Variants in TCFL5 observed in about 807,000 individuals in gnomAD.
TCFL5 encodes the protein transcription factor like 5, also known as transcription factor-like 5 protein.
TCFL5 carries 9 observed loss-of-function variants against 44.3 expected under a neutral mutation model. That is an observed-to-expected ratio of 0.20 (90% CI 0.12 to 0.35). TCFL5 has a LOEUF of 0.35. Ranked by LOEUF, TCFL5 falls within the 10% of genes least tolerant of loss-of-function variation. TCFL5 has a pLI of 1.00. For synonymous variants in TCFL5, 319 were observed against 271.6 expected (o/e 1.17, Z -1.72); for missense variants, 603 against 613.4 (o/e 0.98, Z 0.18).
rs565607958 is a variant in TCFL5, at chr20:62,845,622, C to T, written c.1381-3525G>A. 2.6e-5 allele frequency: 41 copies of T among 1,594,514 alleles called. No homozygotes were observed. The East Asian group carries it at 4.3e-4, about 17-fold the overall frequency. On this transcript the variant is annotated intron_variant, in intron 5 of 5. Transcript: ENST00000335351. ...GAAGTTAGACCCTCGGAGCTGGTCT[C>T]GGACTGCTGGGGCGTCACCCCTTCA...
At chr20:62,851,556 CAA>C (rs1219647792) in intron 5 of TCFL5, 21 of 985,370 alleles carry the variant, frequency 2.1e-5, no homozygotes, top group Non-Finnish European at 2.5e-5. Flanking sequence ...CAATAATCTT[CAA>C]GAGTAACTGC....
intron 3 of TCFL5, among the ~76,000 whole-genome samples, chr20:62,858,651 G>A: frequency 6.9e-6 from 1 of 145,382 alleles, no homozygotes; most frequent in African/African-American, 2.6e-5. Flanking sequence ...GTTTCCCAGG[G>A]AGGAAGGGGC....
At chr20:62,859,703 GTATT>G (rs968512777) in intron 2 of TCFL5, among the ~76,000 whole-genome samples, 177 bp from the exon 3 acceptor site, 8 of 148,962 alleles carry the variant, frequency 5.4e-5, no homozygotes, top group Middle Eastern at 3.5e-3. Context: ...ACTTTCACAG[GTATT>G]TTTTTGTTTT....
At chr20:62,860,814 T>C (rs1320582723) in intron 1 of TCFL5, among the ~76,000 whole-genome samples, 2 of 152,128 alleles carry the variant, frequency 1.3e-5, no homozygotes, top group East Asian at 3.9e-4. Context: ...AGGGGGTGTT[T>C]AGTTTCTGGA....
At chr20:62,855,641 C>A (rs1030591075) in intron 4 of TCFL5, among the ~76,000 whole-genome samples, 1 of 152,200 alleles carries the variant, frequency 6.6e-6, no homozygotes, top group Non-Finnish European at 1.5e-5. Flanking sequence ...TGACGCATGC[C>A]TGTAATCCCA....
chr20:62,851,448 A>G, intron 5 of TCFL5: 1 of 820,170 alleles, frequency 1.2e-6, no homozygotes, highest in Non-Finnish European at 1.5e-6. Flanking sequence ...TCAGATCAAT[A>G]ATGATTTACT....
rs1054629498 is a variant in TCFL5, at chr20:62,856,634, A to C, written c.1238+761T>G. 7.9e-5 allele frequency among the ~76,000 whole-genome samples: 11 copies of C among 139,098 alleles called. No individual in the cohort carries two copies. The Admixed American group carries it at 8.2e-4, about 10-fold the overall frequency. 91.3% of individuals were successfully genotyped at this position (139,098 alleles called of 152,430 possible). ...GGCAGGAGAACGGCATGAACCCGGG[A>C]GGCGGAGCTTCCAGTGAGCAGAGAT... On this transcript the variant is annotated intron_variant, in intron 4 of 5. Coordinates refer to ENST00000335351, the MANE Select transcript of TCFL5 (RefSeq NM_006602.4).
intron 5 of TCFL5, among the ~76,000 whole-genome samples, chr20:62,844,635 C>T (rs2063719583): frequency 6.8e-6 from 1 of 147,884 alleles, no homozygotes; most frequent in Admixed American, 6.8e-5. Flanking sequence ...TGGAGTGCAA[C>T]AGCGTGATCT....
Position 62,857,379 on chromosome 20 carries a change from CAGT to C in TCFL5, c.1238+13_1238+15del. 1 of 1,612,618 alleles carries C rather than the reference CAGT, an allele frequency of 6.2e-7. No homozygotes were observed. The highest frequency in any genetic ancestry group is 1.1e-5 in the South Asian group (1 of 90,922). On this transcript the variant is annotated intron_variant, in intron 4 of 5. Coordinates refer to ENST00000335351, the MANE Select transcript of TCFL5 (RefSeq NM_006602.4). Reference sequence around the variant, plus strand: ...ATCATATATGAGTCAGCCTGACAAGCAGTCACACGTATTACCTTCTATCTCTTT... The same window carrying C: ...ATCATATATGAGTCAGCCTGACAAGCCACACGTATTACCTTCTATCTCTTT...
At chr20:62,846,082 C>T in intron 5 of TCFL5, 1 of 1,322,526 alleles carries the variant, frequency 7.6e-7, no homozygotes. Flanking sequence ...GGAAGCAAGT[C>T]CATAACATGA....
At position 62,859,340 on chromosome 20, in the gene TCFL5, A is replaced by G. The variant is rs1270489256; in HGVS notation, c.994+24T>C. The G allele has an allele frequency of 6.3e-6, 10 of 1,596,998 alleles. No individual in the cohort carries two copies. The African/African-American group carries it at 1.2e-4, about 19-fold the overall frequency. ...AGGGCTCAGTCAGAAGAAAGCTCCC[A>G]CTACCTGCTGCTTCATCGCTTACCT... On this transcript the variant is annotated intron_variant, in intron 3 of 5. Coordinates refer to ENST00000335351, the MANE Select transcript of TCFL5 (RefSeq NM_006602.4).
chr20:62,848,699 T>A (rs1009510545), intron 5 of TCFL5, among the ~76,000 whole-genome samples: 11 of 151,864 alleles, frequency 7.2e-5, no homozygotes, highest in African/African-American at 2.7e-4. Flanking sequence ...GATCACGCCA[T>A]TGCACTCCAG....
At chr20:62,849,655 T>C (rs1358921143) in intron 5 of TCFL5, among the ~76,000 whole-genome samples, 2 of 151,980 alleles carry the variant, frequency 1.3e-5, no homozygotes, top group African/African-American at 4.8e-5. Flanking sequence ...CAAGACCCTA[T>C]TGCTACAAAA....
At chr20:62,860,814 T>A (rs1320582723) in intron 1 of TCFL5, among the ~76,000 whole-genome samples, 1 of 152,128 alleles carries the variant, frequency 6.6e-6, no homozygotes, top group Non-Finnish European at 1.5e-5. Flanking sequence ...AGGGGGTGTT[T>A]AGTTTCTGGA....
intron 5 of TCFL5, among the ~76,000 whole-genome samples, chr20:62,843,177 G>A (rs1219888890): frequency 1.3e-5 from 2 of 152,198 alleles, no homozygotes; most frequent in East Asian, 1.9e-4. Context: ...ACTATTACGG[G>A]TTAAGATATA....
rs201705784 is a variant in TCFL5 at position 62,857,378 on chromosome 20, G to A, written c.1238+17C>T. 4 of 1,612,460 alleles carry A rather than the reference G, an allele frequency of 2.5e-6. No homozygotes were observed. Among genetic ancestry groups the A allele is most frequent in the African/African-American group, 2.7e-5 (2 of 75,020 alleles). On this transcript the variant is annotated intron_variant, in intron 4 of 5. Coordinates refer to ENST00000335351, the MANE Select transcript of TCFL5 (RefSeq NM_006602.4). Reference sequence around the variant, plus strand: ...AATCATATATGAGTCAGCCTGACAAGCAGTCACACGTATTACCTTCTATCT... The same window carrying A: ...AATCATATATGAGTCAGCCTGACAAACAGTCACACGTATTACCTTCTATCT...
intron 1 of TCFL5, among the ~76,000 whole-genome samples, chr20:62,860,750 T>C (rs1233991373): frequency 2.0e-5 from 3 of 152,166 alleles, no homozygotes; most frequent in African/African-American, 2.4e-5. Context: ...CCGGAGCACA[T>C]GGTTCCCAGG....
At position 62,861,440 on chromosome 20, in the gene TCFL5, G is replaced by T; in HGVS notation, c.231C>A (p.Leu77=). Residue 77 remains leucine (L), a synonymous_variant, in exon 1 of 6, where the codon CTC becomes CTA. Transcript: ENST00000335351. The surrounding 1 kb of genome is among the most constrained non-coding windows in gnomAD (Gnocchi z 4.0). ...CCGCCGCCGCCAGCAGCGCCGAGTT[G>T]AGGCGCGTCTCGAGCTCGCCGTCAG... ...AAADGELETR[L]NSALLAAAGP... is the part of the protein sequence containing the mutation. 8.6e-7 allele frequency: 1 copy of T among 1,166,952 alleles called. No individual in the cohort carries two copies. 72.3% of individuals were successfully genotyped at this position (1,166,952 alleles called of 1,614,324 possible).
intron 3 of TCFL5, 94 bp from the exon 4 acceptor site, chr20:62,857,732 A>G: frequency 6.9e-7 from 1 of 1,440,402 alleles, no homozygotes; most frequent in Non-Finnish European, 9.3e-7. Flanking sequence ...CAAGATATAA[A>G]CATTATTGGG....
Sources: gnomAD v4.1 joint callset for allele counts (sites outside exome capture counted in the v4.1 genomes callset) on GRCh38, gnomAD v4.1.1 for gene constraint, Gnocchi (gnomAD v3.1) non-coding constraint, MANE v1.5 for transcripts, NCBI Gene and HGNC (gene_info 2026-07-23, HGNC 2026-07-21) for gene names.